The following PAK4 variants were observed in gnomAD, a reference collection of about 807,000 sequenced individuals.
PAK4 encodes the protein p21 (RAC1) activated kinase 4, also known as serine/threonine-protein kinase PAK 4.
PAK4 carries 49 observed loss-of-function variants against 53.5 expected under a neutral mutation model. The observed-to-expected ratio is 0.92, with a 90% CI of 0.73 to 1.16. The LOEUF (loss-of-function observed/expected upper bound fraction) is 1.16. PAK4 is among the 50% of genes most tolerant of loss of function. The probability of loss-of-function intolerance (pLI) is 0.00; values close to 1 mark genes in which losing one functional copy is unlikely to be tolerated. For missense variants in PAK4, 824 were observed against 850.7 expected (o/e 0.97, Z 0.39); for synonymous variants, 376 against 375.6 (o/e 1.00, Z -0.01).
At chr19:39,158,214 GGTGTGCGTGT>G (rs1568513788) in intron 1 of PAK4, among the ~76,000 whole-genome samples, 1 of 150,932 alleles carries the variant, frequency 6.6e-6, no homozygotes, top group Non-Finnish European at 1.5e-5. Flanking sequence ...TGCATGTGTG[GGTGTGCGTGT>G]GTGTGCATGT....
chr19:39,149,570 A>G (rs1302991390), intron 1 of PAK4, among the ~76,000 whole-genome samples: 1 of 152,132 alleles, frequency 6.6e-6, no homozygotes, highest in Non-Finnish European at 1.5e-5. Context: ...AAATATATGT[A>G]TATAGGCCAG....
At chr19:39,136,189 C>T (rs2076332744) in intron 1 of PAK4, among the ~76,000 whole-genome samples, 2 of 148,580 alleles carry the variant, frequency 1.3e-5, no homozygotes, top group Admixed American at 6.8e-5. Context: ...CCTCATCTCC[C>T]TCCTGGACCA....
intron 1 of PAK4, among the ~76,000 whole-genome samples, chr19:39,165,515 A>AAAATAAATAAATAAATAAATAAAT (rs57100878): frequency 1.6e-4 from 21 of 135,078 alleles, no homozygotes; most frequent in African/African-American, 3.8e-4. Context: ...ACTCCCTCTC[A>AAAATAAATAAATAAATAAATAAAT]AAATAAATAA....
chr19:39,151,855 G>A (rs2074098624), intron 1 of PAK4, among the ~76,000 whole-genome samples: 1 of 152,194 alleles, frequency 6.6e-6, no homozygotes, highest in Non-Finnish European at 1.5e-5. Context: ...TGCAACCTCC[G>A]CTTCCTGGTT....
At chr19:39,165,268 C>T (rs752814350) in intron 1 of PAK4, among the ~76,000 whole-genome samples, 3 of 146,824 alleles carry the variant, frequency 2.0e-5, no homozygotes, top group South Asian at 2.1e-4. Flanking sequence ...TTTGGAAGGC[C>T]GAGGCAGGTG....
At chr19:39,143,875 G>A (rs961978762) in intron 1 of PAK4, among the ~76,000 whole-genome samples, 4 of 148,966 alleles carry the variant, frequency 2.7e-5, no homozygotes, top group Admixed American at 1.3e-4. Context: ...AGGAGGCTGA[G>A]GTGGGAGGAT....
Position 39,175,575 on chromosome 19 carries a change from T to TC in PAK4, c.1359+140dup. The TC allele has an allele frequency of 1.0e-6, 1 of 953,582 alleles. No homozygotes were observed. Among genetic ancestry groups the TC allele is most frequent in the South Asian group, 1.6e-5 (1 of 60,702 alleles). 59.1% of individuals were successfully genotyped at this position (953,582 alleles called of 1,614,324 possible). A position where few individuals can be genotyped will look rare whatever the true frequency, so the allele number is the denominator to read the frequency against. On this transcript the variant is annotated intron_variant, in intron 6 of 8. Transcript: ENST00000358301. The surrounding 1 kb of genome is among the most constrained non-coding windows in gnomAD (Gnocchi z 4.7). ...CTTGAGGAGCTGGGAACTTCGTCCC[T>TC]CCCTGGTGGAGCAGCCCAGAGTCAG...
At chr19:39,172,543 C>T (rs2074502028) in intron 2 of PAK4, among the ~76,000 whole-genome samples, 1 of 152,174 alleles carries the variant, frequency 6.6e-6, no homozygotes, top group Admixed American at 6.5e-5. Flanking sequence ...GGCCCCAGCG[C>T]CCTGTCATTT....
intron 1 of PAK4, among the ~76,000 whole-genome samples, chr19:39,131,228 A>G (rs1205633020): frequency 6.6e-6 from 1 of 152,066 alleles, no homozygotes; most frequent in Non-Finnish European, 1.5e-5. Flanking sequence ...CTCGGACAAG[A>G]CAGGCCTGAT....
intron 1 of PAK4, among the ~76,000 whole-genome samples, chr19:39,167,711 A>C (rs559036900): frequency 5.7e-4 from 84 of 147,880 alleles, no homozygotes; most frequent in Non-Finnish European, 1.1e-3. Flanking sequence ...TCCCGCTGCC[A>C]AACCGGTTCC....
At chr19:39,146,786 G>A (rs1228538153) in intron 1 of PAK4, among the ~76,000 whole-genome samples, 2 of 151,578 alleles carry the variant, frequency 1.3e-5, no homozygotes, top group Middle Eastern at 6.8e-3. Context: ...GCTGTGAGCT[G>A]TTAATGGCAC....
intron 1 of PAK4, among the ~76,000 whole-genome samples, chr19:39,132,470 C>T (rs920436876): frequency 2.0e-5 from 3 of 152,264 alleles, no homozygotes; most frequent in Admixed American, 6.5e-5. Context: ...ATATTCTGTC[C>T]TGTGCTTTGC....
chr19:39,145,306 G>C (rs16973231), intron 1 of PAK4, among the ~76,000 whole-genome samples: 2,827 of 152,296 alleles, frequency 0.019, 89 homozygotes, highest in African/African-American at 0.065. Context: ...GCATTGTTCT[G>C]CAGGATTTTA....
downstream of PAK4, chr19:39,179,415 C>G (rs1048757986): frequency 2.4e-5 from 3 of 125,848 alleles, no homozygotes; most frequent in African/African-American, 8.1e-5. Context: ...TGTCTGTGTG[C>G]GATGTGTGGG....
rs746527008 is a variant in PAK4 at position 39,173,735 on chromosome 19, G to A, written c.823G>A (p.Ala275Thr). ...CTCAGAGCCCCAGCTGGCCCCTCCA[G>A]CCTGCACCCCCGCCGCCCCTGCTGT... The change falls in exon 4 of 9, where the codon GCC becomes ACC. Residue 275 changes from alanine (A) to threonine (T), a missense_variant. Coordinates refer to ENST00000358301, the Ensembl canonical transcript of PAK4. This position sits in a 1 kb window ranked among gnomAD's most constrained non-coding sequence, Gnocchi z 6.9. 73 of 1,575,748 alleles carry A rather than the reference G, an allele frequency of 4.6e-5. No homozygotes were observed. The highest frequency in any genetic ancestry group is 6.1e-5 in the Non-Finnish European group (71 of 1,163,850).
chr19:39,180,445 G>A (rs1217242746), downstream of PAK4: 1 of 147,838 alleles, frequency 6.8e-6, no homozygotes, highest in African/African-American at 2.6e-5. Flanking sequence ...TTTCAAATGA[G>A]ATTTTTTTTT....
At chr19:39,130,205 A>T (rs887561505) in intron 1 of PAK4, among the ~76,000 whole-genome samples, 23 of 97,454 alleles carry the variant, frequency 2.4e-4, no homozygotes, top group Admixed American at 8.5e-4. Context: ...GGGAGCGGGG[A>T]CCCAGGCAGA....
exon 7 of PAK4, chr19:39,176,713 G>A (rs769776243): frequency 1.8e-5 from 29 of 1,609,034 alleles, no homozygotes; most frequent in South Asian, 2.2e-5. Context: ...CTACGGGCCA[G>A]AGGTGAGCCC....
At chr19:39,144,171 TAGA>T (rs60437765) in intron 1 of PAK4, among the ~76,000 whole-genome samples, 47,262 of 112,050 alleles carry the variant, frequency 0.42, 8,199 homozygotes, top group Non-Finnish European at 0.47. Flanking sequence ...TTAGATTAGA[TAGA>T]TAGATAGATA....
Sources: gnomAD v4.1 joint callset for allele counts (sites outside exome capture counted in the v4.1 genomes callset) on GRCh38, gnomAD v4.1.1 for gene constraint, Gnocchi (gnomAD v3.1) non-coding constraint, MANE v1.5 for transcripts, NCBI Gene and HGNC (gene_info 2026-07-23, HGNC 2026-07-21) for gene names.